Variants in CCSER1 observed in about 807,000 individuals in gnomAD.
CCSER1 encodes the protein coiled-coil serine rich protein 1.
In CCSER1, 41 loss-of-function variants were observed where a neutral mutation model predicts 82.0. That is an observed-to-expected ratio of 0.50 (90% confidence interval 0.39 to 0.65). The LOEUF is 0.65. Ranked by LOEUF, CCSER1 falls within the 30% of genes least tolerant of loss-of-function variation. The pLI, the probability that CCSER1 is intolerant of heterozygous loss-of-function variation, is 0.00. For synonymous variants in CCSER1, 414 were observed against 383.9 expected (o/e 1.08, Z -0.92); for missense variants, 1,119 against 1,064.2 (o/e 1.05, Z -0.72).
chr4:91,381,093 A>T (rs114702619), intron 10 of CCSER1, among the ~76,000 whole-genome samples: 1 of 152,092 alleles, frequency 6.6e-6, no homozygotes, highest in Non-Finnish European at 1.5e-5. Flanking sequence ...CTTCTGGATT[A>T]TAGAGCTTCT....
chr4:91,087,913 T>TAAG (rs373715339), intron 10 of CCSER1, among the ~76,000 whole-genome samples: 215 of 152,238 alleles, frequency 1.4e-3, no homozygotes, highest in African/African-American at 5.0e-3. Context: ...CAGGGAGGTA[T>TAAG]AAGACAATTA....
chr4:90,704,856 A>T lies in CCSER1; in HGVS notation c.1933-19058A>T, dbSNP rs182302318. Among the ~76,000 whole-genome samples, 22 of 152,246 alleles carry T rather than the reference A, an allele frequency of 1.4e-4. No individual in the cohort carries two copies. The East Asian group carries it at 4.2e-3, about 29-fold the overall frequency. ...ATATAAGGACTTCTCTACACTGGTT[A>T]TTCTTGTTAGCCATTCATCTAATCT... On this transcript the variant is annotated intron_variant, in intron 6 of 10. Transcript: ENST00000509176.
intron 10 of CCSER1, among the ~76,000 whole-genome samples, chr4:91,543,025 T>C (rs187938176): frequency 6.6e-6 from 1 of 152,370 alleles, no homozygotes; most frequent in Admixed American, 6.5e-5. Flanking sequence ...CTAGCTCTTC[T>C]TGTTGAATTG....
chr4:90,150,105 A>G (rs1302728694), intron 1 of CCSER1, among the ~76,000 whole-genome samples: 4 of 152,142 alleles, frequency 2.6e-5, no homozygotes, highest in Non-Finnish European at 5.9e-5. Flanking sequence ...TGGATTGAAT[A>G]TATTCGTGCA....
chr4:91,137,145 A>G (rs996556127), intron 10 of CCSER1, among the ~76,000 whole-genome samples: 6 of 130,430 alleles, frequency 4.6e-5, no homozygotes, highest in African/African-American at 8.4e-5. Context: ...ATATCTCCCA[A>G]TGCTATCCCT....
intron 10 of CCSER1, among the ~76,000 whole-genome samples, chr4:91,331,392 C>G (rs1272301526): frequency 6.6e-6 from 1 of 152,036 alleles, no homozygotes; most frequent in Non-Finnish European, 1.5e-5. Flanking sequence ...TAAGAAACCC[C>G]TAAGGTATCT....
intron 10 of CCSER1, among the ~76,000 whole-genome samples, chr4:91,492,331 A>T (rs1032069063): frequency 6.6e-6 from 1 of 152,098 alleles, no homozygotes; most frequent in Non-Finnish European, 1.5e-5. Flanking sequence ...CCCAAAAGGG[A>T]GTTGCTGAAT....
intron 10 of CCSER1, among the ~76,000 whole-genome samples, chr4:91,467,703 A>G (rs903184821): frequency 6.6e-6 from 1 of 152,244 alleles, no homozygotes; most frequent in Non-Finnish European, 1.5e-5. Flanking sequence ...ATATGAACAG[A>G]CACTTCTCAA....
intron 1 of CCSER1, among the ~76,000 whole-genome samples, chr4:90,231,951 C>A (rs916528605): frequency 6.0e-5 from 9 of 150,906 alleles, no homozygotes; most frequent in African/African-American, 2.2e-4. Flanking sequence ...AACTACAAAC[C>A]ACTGCTCAAG....
chr4:91,116,722 C>A (rs1273425079), intron 10 of CCSER1, among the ~76,000 whole-genome samples: 1 of 152,166 alleles, frequency 6.6e-6, no homozygotes, highest in African/African-American at 2.4e-5. Flanking sequence ...TAGGAATAAA[C>A]TATCTAACAG....
chr4:90,286,184 T>A (rs1418269599), intron 1 of CCSER1, among the ~76,000 whole-genome samples: 2 of 152,018 alleles, frequency 1.3e-5, no homozygotes, highest in Admixed American at 1.3e-4. Context: ...CCTCCTCAAC[T>A]TTTTTGGAAT....
intron 9 of CCSER1, among the ~76,000 whole-genome samples, chr4:90,954,930 G>A (rs1292729819): frequency 6.6e-6 from 1 of 152,066 alleles, no homozygotes; most frequent in East Asian, 1.9e-4. Context: ...TAGCTTTAGG[G>A]CTCTGATCTT....
At chr4:90,512,528 C>G (rs761996688) in intron 5 of CCSER1, among the ~76,000 whole-genome samples, 2 of 152,090 alleles carry the variant, frequency 1.3e-5, no homozygotes, top group Non-Finnish European at 2.9e-5. Context: ...TCCTTCCATT[C>G]TCTTCTACTT....
intron 8 of CCSER1, among the ~76,000 whole-genome samples, chr4:90,909,258 C>G (rs1288675867): frequency 6.6e-6 from 1 of 152,128 alleles, no homozygotes; most frequent in Non-Finnish European, 1.5e-5. Flanking sequence ...AGTATAATCT[C>G]TTTTTAATGT....
intron 10 of CCSER1, among the ~76,000 whole-genome samples, chr4:91,263,758 A>C (rs576425666): frequency 1.6e-3 from 249 of 152,112 alleles, no homozygotes; most frequent in African/African-American, 5.8e-3. Flanking sequence ...TTATGGAAAA[A>C]TAATAATAAT....
intron 9 of CCSER1, among the ~76,000 whole-genome samples, chr4:90,975,709 A>T (rs1205049939): frequency 1.3e-5 from 2 of 151,306 alleles, no homozygotes; most frequent in Non-Finnish European, 3.0e-5. Context: ...TCCAGTTACT[A>T]TGTAAGGATA....
intron 9 of CCSER1, among the ~76,000 whole-genome samples, chr4:91,051,347 CATTAA>C (rs1160267778): frequency 6.6e-6 from 1 of 151,910 alleles, no homozygotes; most frequent in African/African-American, 2.4e-5. Context: ...ATTTTATAGC[CATTAA>C]ATTTAACAGA....
At chr4:90,453,167 A>C (rs1262885054) in intron 4 of CCSER1, among the ~76,000 whole-genome samples, 1 of 152,102 alleles carries the variant, frequency 6.6e-6, no homozygotes, top group Non-Finnish European at 1.5e-5. Context: ...AGTTGGAGGA[A>C]TTCTTGAATG....
rs561988627 is a variant in CCSER1, at chr4:91,432,242, T to C, written c.2218-166330T>C. Among the ~76,000 whole-genome samples the C allele has an allele frequency of 1.2e-4, 19 of 152,330 alleles. 1 individual carries two copies. The South Asian group carries it at 2.9e-3, about 23-fold the overall frequency. On this transcript the variant is annotated intron_variant, in intron 10 of 10. Transcript: ENST00000509176. ...GAGTCAATTAAACCTCTTTTCTCTA[T>C]AGATTATCCAGTCTCAATTAGTTCT... is the stretch of plus-strand genomic sequence containing the variant.
Sources: allele counts gnomAD v4.1 joint callset (sites outside exome capture counted in the v4.1 genomes callset), GRCh38; gene constraint gnomAD v4.1.1; transcripts MANE v1.5; gene names NCBI Gene and HGNC (gene_info 2026-07-23, HGNC 2026-07-21).